PARD3B: variants seen among roughly 807,000 people sequenced by gnomAD.
PARD3B encodes the protein par-3 family cell polarity regulator beta.
In PARD3B, 103 loss-of-function variants were observed where a neutral mutation model predicts 130.2. The ratio of observed to expected loss-of-function variants is 0.79; its 90% CI spans 0.67 to 0.93. The LOEUF is 0.93. PARD3B is among the 40% of genes least tolerant of loss of function. The pLI, the probability that PARD3B is intolerant of heterozygous loss-of-function variation, is 0.00. For synonymous variants in PARD3B, 583 were observed against 553.2 expected, an observed-to-expected ratio of 1.05 and a Z score of -0.76; for missense variants, 1,609 against 1,499.2, an observed-to-expected ratio of 1.07 and a Z score of -1.21.
At chr2:205,420,680 ATTG>A (rs1182273600) in intron 19 of PARD3B, among the ~76,000 whole-genome samples, 1 of 152,180 alleles carries the variant, frequency 6.6e-6, no homozygotes, top group African/African-American at 2.4e-5. Flanking sequence ...TTGAAAGTGA[ATTG>A]TTATTATTTC....
chr2:204,797,358 A>G (rs2042411608), intron 2 of PARD3B, among the ~76,000 whole-genome samples: 1 of 152,160 alleles, frequency 6.6e-6, no homozygotes, highest in South Asian at 2.1e-4. Flanking sequence ...GTTTAAATGG[A>G]TTACAAAAGT....
intron 2 of PARD3B, among the ~76,000 whole-genome samples, chr2:204,933,492 AT>A (rs1315580002): frequency 6.6e-6 from 1 of 152,190 alleles, no homozygotes; most frequent in Non-Finnish European, 1.5e-5. Context: ...TGTAGAACAT[AT>A]TAACAGTTAT....
intron 14 of PARD3B, among the ~76,000 whole-genome samples, chr2:205,190,130 T>C (rs2036314744): frequency 6.6e-6 from 1 of 152,246 alleles, no homozygotes; most frequent in South Asian, 2.1e-4. Context: ...TTGATGTTAC[T>C]GCATCGAGTG....
intron 2 of PARD3B, among the ~76,000 whole-genome samples, chr2:204,826,438 G>A (rs1393664486): frequency 3.3e-5 from 5 of 152,074 alleles, no homozygotes; most frequent in Admixed American, 2.6e-4. Flanking sequence ...ATTCAGTAGG[G>A]CACAATTCAT....
intron 2 of PARD3B, among the ~76,000 whole-genome samples, chr2:204,816,159 C>G (rs983964495): frequency 4.0e-5 from 6 of 151,884 alleles, no homozygotes; most frequent in African/African-American, 1.4e-4. Flanking sequence ...GTATAAGAAC[C>G]TTGTAATAGC....
intron 2 of PARD3B, among the ~76,000 whole-genome samples, chr2:204,728,188 G>A (rs1164489951): frequency 1.3e-5 from 2 of 152,036 alleles, no homozygotes; most frequent in Non-Finnish European, 2.9e-5. Context: ...TTCGGAAGAC[G>A]GGCAGTTAGG....
intron 21 of PARD3B, among the ~76,000 whole-genome samples, chr2:205,506,116 T>C (rs1023722965): frequency 3.9e-5 from 6 of 152,114 alleles, no homozygotes; most frequent in Non-Finnish European, 7.4e-5. Flanking sequence ...AGGTGGATCA[T>C]GAGGTCAAGA....
At chr2:204,692,669 T>C (rs1324786432) in intron 2 of PARD3B, among the ~76,000 whole-genome samples, 1 of 152,058 alleles carries the variant, frequency 6.6e-6, no homozygotes, top group Non-Finnish European at 1.5e-5. Flanking sequence ...CTTTGGTTCA[T>C]GGGAGTTGAT....
intron 2 of PARD3B, among the ~76,000 whole-genome samples, chr2:204,886,533 AT>A (rs2046276194): frequency 6.6e-6 from 1 of 152,224 alleles, no homozygotes. Flanking sequence ...CTTGACAGTT[AT>A]CATAAATGGT....
chr2:204,618,997 C>T (rs1262117528), intron 1 of PARD3B, among the ~76,000 whole-genome samples: 2 of 152,002 alleles, frequency 1.3e-5, no homozygotes, highest in South Asian at 2.1e-4. Flanking sequence ...TTTACATTAG[C>T]GTATTGGTTT....
At chr2:204,755,571 T>C (rs746815599) in intron 2 of PARD3B, among the ~76,000 whole-genome samples, 14 of 152,130 alleles carry the variant, frequency 9.2e-5, no homozygotes, top group African/African-American at 1.4e-4. Flanking sequence ...TAGCCATCAA[T>C]GTGTAAGTAC....
chr2:205,100,849 A>C (rs1559436931), intron 4 of PARD3B, among the ~76,000 whole-genome samples: 1 of 152,188 alleles, frequency 6.6e-6, no homozygotes, highest in Non-Finnish European at 1.5e-5. Flanking sequence ...TCAAAATGAT[A>C]ATAGGCCTAA....
At chr2:204,998,240 G>A (rs1694412614) in intron 3 of PARD3B, among the ~76,000 whole-genome samples, 1 of 144,162 alleles carries the variant, frequency 6.9e-6, no homozygotes, top group Non-Finnish European at 1.5e-5. Flanking sequence ...GGTGGGTGCA[G>A]CAAACCACCA....
intron 22 of PARD3B, among the ~76,000 whole-genome samples, chr2:205,588,459 T>TG (rs1195535706): frequency 1.3e-5 from 2 of 152,166 alleles, no homozygotes; most frequent in Non-Finnish European, 2.9e-5. Context: ...CAAACATGAG[T>TG]GATTGGAGTT....
In PARD3B at chr2:205,011,538, T is replaced by G. The variant is rs1248134036; in HGVS notation, c.395-36043T>G. On this transcript the variant is annotated intron_variant, in intron 3 of 22. Transcript: ENST00000406610. This position sits in a 1 kb window ranked among gnomAD's most constrained non-coding sequence, Gnocchi z 4.1. Reference sequence around the variant, plus strand: ...AGTACTTCTTTCTGTCATATTTTATTCATCGCACAGACCAACCTTGGTGCA... The same window carrying G: ...AGTACTTCTTTCTGTCATATTTTATGCATCGCACAGACCAACCTTGGTGCA... Among the ~76,000 whole-genome samples, 1 of 152,204 alleles carries G rather than the reference T, an allele frequency of 6.6e-6. No homozygotes were observed. Among genetic ancestry groups the G allele is most frequent in the Non-Finnish European group, 1.5e-5 (1 of 68,026 alleles).
intron 3 of PARD3B, among the ~76,000 whole-genome samples, chr2:204,994,826 AT>A (rs2125252838): frequency 6.6e-6 from 1 of 151,044 alleles, no homozygotes; most frequent in South Asian, 2.1e-4. Context: ...TCCCTTTACC[AT>A]TATGTAATGG....
intron 4 of PARD3B, among the ~76,000 whole-genome samples, chr2:205,055,519 T>G (rs1699576438): frequency 6.6e-6 from 1 of 152,226 alleles, no homozygotes; most frequent in Admixed American, 6.6e-5. Context: ...TAGTTTTATT[T>G]TAAAGACCAA....
chr2:204,672,353 T>C (rs1448956942), intron 1 of PARD3B, among the ~76,000 whole-genome samples: 1 of 152,182 alleles, frequency 6.6e-6, no homozygotes, highest in Admixed American at 6.5e-5. Context: ...TTAATGTCAA[T>C]GAATGTGTCA....
In PARD3B at chr2:204,623,077, G is replaced by A. The variant is rs2034360934; in HGVS notation, c.121-63104G>A. Reference sequence around the variant, plus strand: ...GAATTACTAGAATAAAGATTAGTGAGCATTCTTTTTGTGTAATAGTAGTTT... The same window carrying A: ...GAATTACTAGAATAAAGATTAGTGAACATTCTTTTTGTGTAATAGTAGTTT... On this transcript the variant is annotated intron_variant, in intron 1 of 22. Transcript: ENST00000406610. The surrounding 1 kb of genome is among the most constrained non-coding windows in gnomAD (Gnocchi z 4.5). Among the ~76,000 whole-genome samples the A allele has an allele frequency of 6.6e-6, 1 of 152,094 alleles. No homozygotes were observed. The highest frequency in any genetic ancestry group is 1.9e-4 in the East Asian group (1 of 5,190).
Sources: allele counts gnomAD v4.1 joint callset (sites outside exome capture counted in the v4.1 genomes callset), GRCh38; gene constraint gnomAD v4.1.1; non-coding constraint Gnocchi (gnomAD v3.1); transcripts MANE v1.5; gene names NCBI Gene and HGNC (gene_info 2026-07-23, HGNC 2026-07-21).